Variants in BBS9 observed in about 807,000 individuals in gnomAD.
BBS9 encodes the protein protein PTHB1.
BBS9 carries 89 observed loss-of-function variants against 117.7 expected under a neutral mutation model. The ratio of observed to expected loss-of-function variants is 0.76; its 90% CI spans 0.64 to 0.90. The LOEUF (loss-of-function observed/expected upper bound fraction) is 0.90, where lower values mean the gene tolerates loss of function less well. BBS9 is among the 40% of genes least tolerant of loss of function. The pLI is 0.00. For missense variants in BBS9, 982 were observed against 1,042.2 expected (o/e 0.94, Z 0.80); for synonymous variants, 379 against 370.9 (o/e 1.02, Z -0.25).
intron 19 of BBS9, among the ~76,000 whole-genome samples, chr7:33,475,775 C>A (rs1318220698): frequency 3.3e-5 from 5 of 152,102 alleles, no homozygotes; most frequent in African/African-American, 4.8e-5. Flanking sequence ...TATACAAAAT[C>A]ACTATGATGT....
intron 19 of BBS9, among the ~76,000 whole-genome samples, chr7:33,444,821 A>G (rs1160554250): frequency 6.6e-6 from 1 of 152,212 alleles, no homozygotes; most frequent in African/African-American, 2.4e-5. Flanking sequence ...TGCCCAGTAT[A>G]ATCTATTCTC....
chr7:33,559,826 A>G (rs1448562751), intron 21 of BBS9, among the ~76,000 whole-genome samples: 1 of 152,102 alleles, frequency 6.6e-6, no homozygotes, highest in Non-Finnish European at 1.5e-5. Flanking sequence ...GCCACCAGCA[A>G]TTATGCTGCC....
chr7:33,505,864 G>T, intron 20 of BBS9: 1 of 557,068 alleles, frequency 1.8e-6, no homozygotes, highest in South Asian at 2.1e-5. Flanking sequence ...CAATTTTTAT[G>T]TGGTCCAGTC....
intron 19 of BBS9, among the ~76,000 whole-genome samples, chr7:33,487,217 G>C (rs1843235059): frequency 6.6e-6 from 1 of 152,078 alleles, no homozygotes; most frequent in Non-Finnish European, 1.5e-5. Context: ...TAATTCGTTG[G>C]TTTCTCCATT....
At chr7:33,623,034 G>A (rs1462809519) in intron 21 of BBS9, among the ~76,000 whole-genome samples, 4 of 152,048 alleles carry the variant, frequency 2.6e-5, no homozygotes, top group African/African-American at 9.7e-5. Flanking sequence ...TTTCATCATA[G>A]CCTAAAAGAA....
intron 15 of BBS9, among the ~76,000 whole-genome samples, chr7:33,355,815 G>A (rs1227780633): frequency 1.3e-5 from 2 of 151,856 alleles, no homozygotes; most frequent in Non-Finnish European, 2.9e-5. Flanking sequence ...CTCTGGGTTC[G>A]TGGAGATGTA....
intron 20 of BBS9, among the ~76,000 whole-genome samples, chr7:33,517,605 TG>T (rs1563289933): frequency 2.0e-5 from 3 of 152,234 alleles, no homozygotes; most frequent in Non-Finnish European, 4.4e-5. Flanking sequence ...CATCACGTTT[TG>T]CCACTCCCCA....
intron 5 of BBS9, among the ~76,000 whole-genome samples, chr7:33,237,506 A>AT (rs1562854911): frequency 1.3e-5 from 2 of 152,186 alleles, no homozygotes; most frequent in African/African-American, 4.8e-5. Context: ...TGTGACATAC[A>AT]TTTTAGCATT....
rs375001476 is a variant in BBS9, at chr7:33,580,624, C to A, written c.2522-24241C>A. On this transcript the variant is annotated intron_variant, in intron 21 of 22. Transcript: ENST00000242067. ...TCAAAGAACCCTACAAGAGGCTGAA[C>A]CAGAGAATATTCTGGAAGGTTGTTA... is the stretch of plus-strand genomic sequence containing the variant. Among the ~76,000 whole-genome samples the A allele has an allele frequency of 3.2e-4, 48 of 152,154 alleles. 1 individual carries two copies. In the South Asian group the frequency reaches 4.8e-3, roughly 15 times the overall value.
chr7:33,138,924 A>G (rs988838425), intron 1 of BBS9, among the ~76,000 whole-genome samples: 2 of 151,180 alleles, frequency 1.3e-5, no homozygotes, highest in African/African-American at 4.8e-5. Context: ...TTATTTTGTC[A>G]GTACAAGTAG....
At chr7:33,604,783 G>A (rs1031889069) in intron 21 of BBS9, 82 bp from the exon 22 acceptor site, 19 of 899,670 alleles carry the variant, frequency 2.1e-5, no homozygotes, top group Non-Finnish European at 2.7e-5. Context: ...TATGATCAGT[G>A]TGTTCCTAAG....
chr7:33,186,136 T>A (rs902031713), intron 5 of BBS9, among the ~76,000 whole-genome samples: 1 of 152,242 alleles, frequency 6.6e-6, no homozygotes, highest in East Asian at 1.9e-4. Flanking sequence ...TTAACTTTTT[T>A]AAAACTTTTA....
At chr7:33,631,974 C>T (rs1865911115) in intron 21 of BBS9, among the ~76,000 whole-genome samples, 1 of 152,110 alleles carries the variant, frequency 6.6e-6, no homozygotes, top group Non-Finnish European at 1.5e-5. Flanking sequence ...GGAATAAATT[C>T]CCTCTCATCA....
chr7:33,607,470 A>G (rs1008873389), downstream of BBS9, among the ~76,000 whole-genome samples: 1 of 152,164 alleles, frequency 6.6e-6, no homozygotes, highest in Non-Finnish European at 1.5e-5. Context: ...ATACAACATT[A>G]GTTACAAAAA....
chr7:33,334,173 C>T (rs1814778388), intron 9 of BBS9, among the ~76,000 whole-genome samples: 1 of 152,096 alleles, frequency 6.6e-6, no homozygotes, highest in African/African-American at 2.4e-5. Context: ...AGATAAATGG[C>T]TTGTATCTAA....
chr7:33,547,471 A>G (rs527670482), intron 21 of BBS9, among the ~76,000 whole-genome samples: 13 of 152,368 alleles, frequency 8.5e-5, no homozygotes, highest in African/African-American at 2.9e-4. Context: ...GACTGAATAA[A>G]GTTAGCATTT....
intron 21 of BBS9, among the ~76,000 whole-genome samples, chr7:33,584,261 C>A (rs1188317217): frequency 6.6e-6 from 1 of 151,956 alleles, no homozygotes; most frequent in African/African-American, 2.4e-5. Context: ...TTTAGGTCTA[C>A]AATTATATCA....
intron 9 of BBS9, among the ~76,000 whole-genome samples, chr7:33,298,252 A>G (rs986001850): frequency 6.6e-6 from 1 of 152,146 alleles, no homozygotes; most frequent in Non-Finnish European, 1.5e-5. Flanking sequence ...GACTCCGACC[A>G]TGGCTGATTA....
At chr7:33,534,304 G>A (rs1851037665) in intron 21 of BBS9, 128 bp downstream of exon 21, 12 of 1,011,454 alleles carry the variant, frequency 1.2e-5, no homozygotes, top group South Asian at 4.1e-5. Flanking sequence ...TTGATTTCAC[G>A]TTTCCCCTCT....
Sources: allele counts gnomAD v4.1 joint callset (sites outside exome capture counted in the v4.1 genomes callset), GRCh38; gene constraint gnomAD v4.1.1; transcripts MANE v1.5; gene names NCBI Gene and HGNC (gene_info 2026-07-23, HGNC 2026-07-21).